Variants in DCC observed in about 807,000 individuals in gnomAD.
DCC encodes DCC netrin 1 receptor.
In DCC, 58 loss-of-function variants were observed where a neutral mutation model predicts 172.5. That is an observed-to-expected ratio of 0.34 (90% CI 0.27 to 0.42). The LOEUF (loss-of-function observed/expected upper bound fraction) is 0.42, where lower values mean the gene tolerates loss of function less well. Ranked by LOEUF, DCC falls within the 10% of genes least tolerant of loss-of-function variation. DCC has a pLI of 1.00. For synonymous variants in DCC, 709 were observed against 644.5 expected (o/e 1.10, Z -1.52); for missense variants, 1,740 against 1,791.0 (o/e 0.97, Z 0.51).
At chr18:53,462,019 C>T (rs2045565361) in intron 24 of DCC, among the ~76,000 whole-genome samples, 1 of 152,098 alleles carries the variant, frequency 6.6e-6, no homozygotes, top group South Asian at 2.1e-4. Flanking sequence ...TTTTCCTGAG[C>T]ATGTGAGAGA....
At chr18:52,537,647 A>G (rs1275232136) in intron 1 of DCC, among the ~76,000 whole-genome samples, 7 of 152,174 alleles carry the variant, frequency 4.6e-5, no homozygotes, top group African/African-American at 7.2e-5. Context: ...TACAAGCAGA[A>G]AAAAAAGAAA....
intron 26 of DCC, among the ~76,000 whole-genome samples, chr18:53,494,581 T>C (rs1323068791): frequency 1.3e-5 from 2 of 152,220 alleles, no homozygotes; most frequent in East Asian, 3.8e-4. Context: ...CTTCTTTGTC[T>C]CTTTTGATCT....
At chr18:53,179,201 G>T (rs116270899) in intron 9 of DCC, 85 bp downstream of exon 9, 4 of 1,369,550 alleles carry the variant, frequency 2.9e-6, no homozygotes, top group Non-Finnish European at 4.1e-6. Flanking sequence ...GAACCTTTGC[G>T]AAGTGACAAA....
chr18:52,497,770 G>A (rs985182528), intron 1 of DCC, among the ~76,000 whole-genome samples: 4 of 152,086 alleles, frequency 2.6e-5, no homozygotes, highest in Admixed American at 6.6e-5. Flanking sequence ...AGTAGCAGCA[G>A]CATCACCACG....
chr18:52,894,241 A>C (rs984832614), intron 2 of DCC, among the ~76,000 whole-genome samples: 1 of 152,042 alleles, frequency 6.6e-6, no homozygotes, highest in African/African-American at 2.4e-5. Context: ...GCGCTATGCT[A>C]TATATTTGCC....
intron 12 of DCC, among the ~76,000 whole-genome samples, chr18:53,228,268 A>AT (rs1162057158): frequency 6.8e-4 from 104 of 152,256 alleles, no homozygotes; most frequent in African/African-American, 1.9e-3. Flanking sequence ...AAATAAAAAT[A>AT]AAAAATAAAA....
At chr18:52,954,117 A>C (rs1003374343) in intron 5 of DCC, among the ~76,000 whole-genome samples, 2 of 152,234 alleles carry the variant, frequency 1.3e-5, no homozygotes, top group Admixed American at 6.5e-5. Context: ...CTTTCATTAA[A>C]ATAGGAATTA....
intron 1 of DCC, among the ~76,000 whole-genome samples, chr18:52,512,481 G>T (rs1598877829): frequency 1.3e-5 from 2 of 152,226 alleles, no homozygotes; most frequent in Non-Finnish European, 2.9e-5. Context: ...TAATTTTTAG[G>T]CCATAAGAAA....
At chr18:53,391,180 C>A (rs1296341802) in intron 16 of DCC, among the ~76,000 whole-genome samples, 1 of 151,924 alleles carries the variant, frequency 6.6e-6, no homozygotes, top group Non-Finnish European at 1.5e-5. Context: ...CAGAGAAACC[C>A]TATTAAGTTA....
At chr18:52,667,631 C>G (rs565649966) in intron 1 of DCC, among the ~76,000 whole-genome samples, 2 of 152,288 alleles carry the variant, frequency 1.3e-5, no homozygotes, top group South Asian at 4.1e-4. Context: ...TTATGCACTG[C>G]TTCTTCTTGA....
chr18:52,830,532 A>G (rs1385941144), intron 2 of DCC, among the ~76,000 whole-genome samples: 1 of 152,136 alleles, frequency 6.6e-6, no homozygotes, highest in East Asian at 1.9e-4. Flanking sequence ...GCATGTTAAG[A>G]GGCTATTGGA....
intron 5 of DCC, among the ~76,000 whole-genome samples, chr18:53,055,013 C>T (rs2042384954): frequency 6.6e-6 from 1 of 152,066 alleles, no homozygotes; most frequent in Non-Finnish European, 1.5e-5. Context: ...TTGTTCCCCG[C>T]TTAGATTTTC....
chr18:52,996,680 T>G (rs951334919), intron 5 of DCC, among the ~76,000 whole-genome samples: 1 of 152,016 alleles, frequency 6.6e-6, no homozygotes, highest in African/African-American at 2.4e-5. Context: ...AACAAAATGT[T>G]TCTAATAATC....
chr18:52,409,025 A>G (rs1986752801), intron 1 of DCC: 2 of 152,082 alleles, frequency 1.3e-5, no homozygotes, highest in African/African-American at 2.4e-5. Context: ...CCTACAGACA[A>G]TCCTGAGTTC....
chr18:53,201,900 A>G (rs1007101432), intron 9 of DCC, among the ~76,000 whole-genome samples: 5 of 152,212 alleles, frequency 3.3e-5, no homozygotes, highest in Non-Finnish European at 5.9e-5. Context: ...CTGTGAAATA[A>G]CACATCAAAG....
intron 12 of DCC, 73 bp from the exon 13 acceptor site, chr18:53,305,505 G>C (rs2057189350): frequency 4.8e-6 from 6 of 1,250,470 alleles, no homozygotes; most frequent in Admixed American, 1.7e-5. Flanking sequence ...ACTTACGTTT[G>C]GGTTACTTCT....
At chr18:53,154,571 G>T (rs1193424403) in intron 7 of DCC, among the ~76,000 whole-genome samples, 1 of 152,178 alleles carries the variant, frequency 6.6e-6, no homozygotes, top group Non-Finnish European at 1.5e-5. Flanking sequence ...TTTAAGGAAG[G>T]CAGAGGAGCT....
At chr18:52,491,001 A>C (rs2030472110) in intron 1 of DCC, among the ~76,000 whole-genome samples, 1 of 152,140 alleles carries the variant, frequency 6.6e-6, no homozygotes, top group African/African-American at 2.4e-5. Context: ...AAGTAAATAC[A>C]CACAGAAGGG....
intron 19 of DCC, among the ~76,000 whole-genome samples, chr18:53,407,557 T>TATATATATATA (rs1909742815): frequency 1.2e-5 from 1 of 80,630 alleles, no homozygotes; most frequent in South Asian, 6.2e-4. Context: ...ATATATATAT[T>TATATATATATA]CACTATTACT....
Sources: gnomAD v4.1 joint callset for allele counts (sites outside exome capture counted in the v4.1 genomes callset) on GRCh38, gnomAD v4.1.1 for gene constraint, MANE v1.5 for transcripts, NCBI Gene and HGNC (gene_info 2026-07-23, HGNC 2026-07-21) for gene names.